TMLHE: variants seen among roughly 807,000 people sequenced by gnomAD.
The protein encoded by TMLHE is trimethyllysine dioxygenase, mitochondrial.
TMLHE carries 18 observed loss-of-function variants against 25.7 expected under a neutral mutation model. The ratio of observed to expected loss-of-function variants is 0.70; its 90% CI spans 0.48 to 1.04. The LOEUF (loss-of-function observed/expected upper bound fraction) is 1.04, where lower values mean the gene tolerates loss of function less well. Among genes scored for constraint, TMLHE ranks in the 50% least tolerant of loss-of-function variants. The pLI is 0.00. For synonymous variants in TMLHE, 105 were observed against 97.0 expected (o/e 1.08, Z -0.49); for missense variants, 236 against 259.0 (o/e 0.91, Z 0.61).
chrX:155,579,043 A>G (rs1278691272), intron 1 of TMLHE, among the ~76,000 whole-genome samples: 4 of 111,861 alleles, frequency 3.6e-5, no homozygotes, highest in Non-Finnish European at 7.5e-5. Flanking sequence ...ATAGTAAGGA[A>G]TATATTTAAC....
Position 155,561,037 on chromosome X carries a change from G to A in TMLHE, c.-1-15760C>T, listed in dbSNP as rs1438794927. On this transcript the variant is annotated intron_variant, in intron 1 of 7. Transcript: ENST00000334398. ...TGACTTAGACTAAGGCAGTAGCAGT[G>A]AAAGTGGTGAAAAAGGGTCAGAGTC... Among the ~76,000 whole-genome samples, 2 of 60,954 alleles carry A rather than the reference G, an allele frequency of 3.3e-5. 1 individual carries two copies. The highest frequency in any genetic ancestry group is 9.1e-5 in the Non-Finnish European group (2 of 21,896). 52.9% of individuals were successfully genotyped at this position (60,954 alleles called of 115,157 possible). A position where few individuals can be genotyped will look rare whatever the true frequency, so the allele number is the denominator to read the frequency against.
intron 1 of TMLHE, among the ~76,000 whole-genome samples, chrX:155,610,937 T>G (rs1341700163): frequency 3.6e-5 from 4 of 111,002 alleles, no homozygotes; most frequent in Non-Finnish European, 5.7e-5. Context: ...TGACATTCAT[T>G]GATTGCCTTT....
At chrX:155,578,021 C>G (rs1181159169) in intron 1 of TMLHE, among the ~76,000 whole-genome samples, 1 of 111,817 alleles carries the variant, frequency 8.9e-6, no homozygotes, top group Non-Finnish European at 1.9e-5. Flanking sequence ...AGAACTGCAT[C>G]CTGCCCTGGG....
rs138416936 is a variant in TMLHE, at chrX:155,609,401, G to A, written c.-2+3391C>T. Among the ~76,000 whole-genome samples, 32 of 111,418 alleles carry A rather than the reference G, an allele frequency of 2.9e-4. No individual in the cohort carries two copies. In the East Asian group the frequency reaches 8.7e-3, roughly 30 times the overall value. On this transcript the variant is annotated intron_variant, in intron 1 of 7. Transcript: ENST00000334398. ...GGGCCTACTTGAGGATGGAGATTGG[G>A]AGGAGGGTGAGGATCAAAAAACTAT...
At chrX:155,547,296 C>T (rs5940483) in intron 1 of TMLHE, among the ~76,000 whole-genome samples, 6,214 of 92,248 alleles carry the variant, frequency 0.067, 667 homozygotes, top group African/African-American at 0.2. Context: ...AGGCACCTGC[C>T]ACCACGCCCG....
In TMLHE at chrX:155,545,202, G is replaced by T. The variant is rs2124411393; in HGVS notation, c.75C>A (p.Ala25=). ...DLLKGGVIYP[A]LPQPNFKSLL... is the part of the protein sequence containing the mutation. ...AGCTTTTGAAGTTGGGCTGTGGAAG[G>T]GCCGGATATATGACTCCTCCCTTCA... Residue 25 remains alanine (A), a synonymous_variant, in exon 2 of 8, where the codon GCC becomes GCA. Coordinates refer to ENST00000334398, the MANE Select transcript of TMLHE (RefSeq NM_018196.4). 1 of 1,208,476 alleles carries T rather than the reference G, an allele frequency of 8.3e-7. No homozygotes were observed. The highest frequency in any genetic ancestry group is 1.1e-6 in the Non-Finnish European group (1 of 894,264).
rs1603043803 is a variant in TMLHE, at chrX:155,543,740, C to A, written c.181+1356G>T. ...AAGTCTGGTTCTGATCTTGCTTTGT[C>A]TCTTCAAATTGTGTTATTTCTTGCC... is the stretch of plus-strand genomic sequence containing the variant. On this transcript the variant is annotated intron_variant, in intron 2 of 7. Coordinates refer to ENST00000334398, the MANE Select transcript of TMLHE (RefSeq NM_018196.4). Among the ~76,000 whole-genome samples the A allele has an allele frequency of 2.7e-5, 3 of 112,253 alleles. No homozygotes were observed. In the South Asian group the frequency reaches 1.1e-3, roughly 41 times the overall value.
intron 2 of TMLHE, among the ~76,000 whole-genome samples, chrX:155,539,821 TAAG>T (rs1402518263): frequency 9.1e-6 from 1 of 109,845 alleles, no homozygotes; most frequent in Non-Finnish European, 1.9e-5. Context: ...ATAAACAAAA[TAAG>T]AATATCAACA....
rs781872558 is a variant in TMLHE at position 155,511,538 on chromosome X, CT to C, written c.758+134del. ...AAGGTATTTCAAAATGATCATGTTT[CT>C]AGGGGAAGAGAAAGTCATACAAATC... On this transcript the variant is annotated intron_variant, in intron 5 of 7. Coordinates refer to ENST00000334398, the MANE Select transcript of TMLHE (RefSeq NM_018196.4). 1.3e-5 allele frequency: 8 copies of C among 620,718 alleles called. No individual in the cohort carries two copies. The East Asian group carries it at 1.8e-4, about 14-fold the overall frequency. 51.2% of individuals were successfully genotyped at this position (620,718 alleles called of 1,213,427 possible). A position where few individuals can be genotyped will look rare whatever the true frequency, so the allele number is the denominator to read the frequency against.
At chrX:155,607,944 C>T (rs897833972) in intron 1 of TMLHE, among the ~76,000 whole-genome samples, 5 of 111,557 alleles carry the variant, frequency 4.5e-5, no homozygotes, top group Non-Finnish European at 5.7e-5. Context: ...TCCATGCTCA[C>T]GGATAGGAAG....
At position 155,531,817 on chromosome X, in the gene TMLHE, G is replaced by A. The variant is rs782381466; in HGVS notation, c.182-7185C>T. Among the ~76,000 whole-genome samples the A allele has an allele frequency of 4.5e-5, 5 of 111,400 alleles. No individual in the cohort carries two copies. The South Asian group carries it at 1.9e-3, about 42-fold the overall frequency. ...GGCCAGATAGTCCTTTTGTCATAGG[G>A]ACAGGTGTCAGCAGCATCTTCCTCT... On this transcript the variant is annotated intron_variant, in intron 2 of 7. Coordinates refer to ENST00000334398, the MANE Select transcript of TMLHE (RefSeq NM_018196.4).
chrX:155,610,657 C>T (rs1378647912), intron 1 of TMLHE, among the ~76,000 whole-genome samples: 2 of 110,433 alleles, frequency 1.8e-5, no homozygotes, highest in Admixed American at 1.9e-4. Context: ...ACCATTTGGT[C>T]TTTTAAAATA....
At chrX:155,558,751 TTTAA>T (rs782441722) in intron 1 of TMLHE, among the ~76,000 whole-genome samples, 12 of 112,010 alleles carry the variant, frequency 1.1e-4, no homozygotes, top group East Asian at 2.8e-4. Context: ...AATATGGTGA[TTTAA>T]TTAATTAATA....
chrX:155,589,420 A>G (rs2067683197), intron 1 of TMLHE, among the ~76,000 whole-genome samples: 1 of 112,033 alleles, frequency 8.9e-6, no homozygotes, highest in Non-Finnish European at 1.9e-5. Context: ...ACTGCACTCC[A>G]GCCTGGGTGA....
At chrX:155,526,102 T>TGG (rs201430400) in intron 2 of TMLHE, among the ~76,000 whole-genome samples, 1 of 112,149 alleles carries the variant, frequency 8.9e-6, no homozygotes. Flanking sequence ...TCCAAGACAA[T>TGG]GGGGGGGAAA....
intron 4 of TMLHE, 46 bp downstream of exon 4, chrX:155,513,940 G>A (rs782734257): frequency 4.4e-6 from 5 of 1,143,722 alleles, no homozygotes; most frequent in Non-Finnish European, 5.9e-6. Flanking sequence ...TTCATGCTCT[G>A]GAAATTAATT....
intron 1 of TMLHE, among the ~76,000 whole-genome samples, chrX:155,578,484 C>G (rs782272452): frequency 8.3e-4 from 93 of 111,873 alleles, no homozygotes; most frequent in African/African-American, 2.8e-3. Context: ...ACCAATACCA[C>G]CACTGCTGGC....
chrX:155,547,041 C>A (rs1557338784), intron 1 of TMLHE, among the ~76,000 whole-genome samples: 2 of 111,495 alleles, frequency 1.8e-5, no homozygotes, highest in Non-Finnish European at 3.8e-5. Flanking sequence ...ATATTAAATT[C>A]TTAATCAAAT....
chrX:155,549,246 G>C (rs1392411574), intron 1 of TMLHE, among the ~76,000 whole-genome samples: 1 of 110,420 alleles, frequency 9.1e-6, no homozygotes, highest in Non-Finnish European at 1.9e-5. Flanking sequence ...TTGCTGCATT[G>C]TGCTCACTAG....
Sources: allele counts gnomAD v4.1 joint callset (sites outside exome capture counted in the v4.1 genomes callset), GRCh38; gene constraint gnomAD v4.1.1; transcripts MANE v1.5; gene names NCBI Gene and HGNC (gene_info 2026-07-23, HGNC 2026-07-21).